The following XRCC5 variants were observed in gnomAD, a reference collection of about 807,000 sequenced individuals.
XRCC5 encodes DNA repair protein Ku80.
A neutral mutation model predicts 95.7 loss-of-function variants in XRCC5; 12 were observed. The observed-to-expected ratio is 0.13, with a 90% CI of 0.08 to 0.20. XRCC5 has a LOEUF of 0.20. Ranked by LOEUF, XRCC5 falls within the 10% of genes least tolerant of loss-of-function variation. The pLI is 1.00. For missense variants in XRCC5, 595 were observed against 873.9 expected (o/e 0.68, Z 4.02); for synonymous variants, 281 against 290.3 (o/e 0.97, Z 0.33).
At chr2:216,176,464 G>A (rs67023874) in intron 16 of XRCC5, among the ~76,000 whole-genome samples, 21,599 of 152,110 alleles carry the variant, frequency 0.14, 1,633 homozygotes, top group African/African-American at 0.19. Context: ...ATTTCTTATT[G>A]AATCAGTTTT....
At chr2:216,111,249 C>T (rs1574447389) in intron 1 of XRCC5, among the ~76,000 whole-genome samples, 1 of 152,104 alleles carries the variant, frequency 6.6e-6, no homozygotes, top group African/African-American at 2.4e-5. Flanking sequence ...AGGCCAGACA[C>T]GGTGGCCTAT....
At chr2:216,121,047 T>G (rs1696798358) in intron 5 of XRCC5, among the ~76,000 whole-genome samples, 1 of 152,210 alleles carries the variant, frequency 6.6e-6, no homozygotes, top group African/African-American at 2.4e-5. Flanking sequence ...AGTTTTTAGT[T>G]TCTTCTACTG....
chr2:216,163,667 TG>T (rs1230328806), intron 16 of XRCC5, among the ~76,000 whole-genome samples: 6 of 152,266 alleles, frequency 3.9e-5, no homozygotes, highest in African/African-American at 1.4e-4. Context: ...TCTTACTACT[TG>T]CAGTCTAGGA....
At chr2:216,119,219 T>C in intron 5 of XRCC5, 54 bp downstream of exon 5, 1 of 1,599,630 alleles carries the variant, frequency 6.3e-7, no homozygotes. Context: ...CCTAATATAG[T>C]GAATGGGCCC....
chr2:216,179,614 A>G (rs1246888536), intron 16 of XRCC5, among the ~76,000 whole-genome samples: 1 of 152,090 alleles, frequency 6.6e-6, no homozygotes, highest in Non-Finnish European at 1.5e-5. Context: ...CTGGGAGGAG[A>G]GCTTTGCAGA....
intron 19 of XRCC5, among the ~76,000 whole-genome samples, chr2:216,196,403 G>A (rs6435936): frequency 0.72 from 110,045 of 152,002 alleles, 41,343 homozygotes; most frequent in East Asian, 0.95. Flanking sequence ...TTTTGTTTCT[G>A]TTTGTCACTT....
intron 20 of XRCC5, 26 bp from the exon 21 acceptor site, chr2:216,205,162 T>G: frequency 1.2e-6 from 2 of 1,613,844 alleles, no homozygotes; most frequent in Non-Finnish European, 1.7e-6. Flanking sequence ...CTGATTCCTT[T>G]CTAAGTGTGT....
At chr2:216,168,589 T>G (rs1426774102) in intron 16 of XRCC5, among the ~76,000 whole-genome samples, 1 of 152,188 alleles carries the variant, frequency 6.6e-6, no homozygotes, top group Non-Finnish European at 1.5e-5. Context: ...ATATCCCTAA[T>G]TACAGGATAT....
At chr2:216,117,950 C>G (rs1696731738) in intron 4 of XRCC5, among the ~76,000 whole-genome samples, 156 bp downstream of exon 4, 1 of 152,154 alleles carries the variant, frequency 6.6e-6, no homozygotes, top group African/African-American at 2.4e-5. Context: ...AGTCCAACCT[C>G]TCTGTTTTTT....
At chr2:216,172,415 A>G (rs1286058707) in intron 16 of XRCC5, among the ~76,000 whole-genome samples, 1 of 151,438 alleles carries the variant, frequency 6.6e-6, no homozygotes, top group African/African-American at 2.4e-5. Flanking sequence ...AAATGTTTTA[A>G]CTACTCTATG....
intron 2 of XRCC5, among the ~76,000 whole-genome samples, chr2:216,114,897 C>T (rs909858258): frequency 2.0e-5 from 3 of 152,148 alleles, no homozygotes; most frequent in African/African-American, 4.8e-5. Flanking sequence ...CATGCGGCCC[C>T]CTCTTAAGCA....
chr2:216,110,348 A>AAGAT (rs1696564366), intron 1 of XRCC5: 2 of 152,248 alleles, frequency 1.3e-5, no homozygotes, highest in South Asian at 4.1e-4. Context: ...ACAGATAAAC[A>AAGAT]AGATACGAGT....
At chr2:216,198,083 T>A (rs1689763581) in intron 19 of XRCC5, among the ~76,000 whole-genome samples, 2 of 152,254 alleles carry the variant, frequency 1.3e-5, no homozygotes, top group Admixed American at 1.3e-4. Context: ...CCATCCCTGT[T>A]ACCACTGGGA....
chr2:216,170,090 C>T (rs1471170610), intron 16 of XRCC5, among the ~76,000 whole-genome samples: 3 of 138,668 alleles, frequency 2.2e-5, no homozygotes, highest in Non-Finnish European at 3.1e-5. Flanking sequence ...GACCCCTTGT[C>T]GTGTCATGAC....
intron 16 of XRCC5, among the ~76,000 whole-genome samples, chr2:216,171,088 C>T (rs1689156687): frequency 6.6e-6 from 1 of 152,170 alleles, no homozygotes; most frequent in Non-Finnish European, 1.5e-5. Context: ...ACGCTCTTAA[C>T]CAATTAAGAT....
In XRCC5 at chr2:216,138,033, T is replaced by C. The variant is rs370810290; in HGVS notation, c.1252-56T>C. The C allele has an allele frequency of 6.9e-6, 10 of 1,449,654 alleles. No homozygotes were observed. In the African/African-American group the frequency reaches 1.0e-4, roughly 14 times the overall value. 89.8% of individuals were successfully genotyped at this position (1,449,654 alleles called of 1,614,324 possible). A position where few individuals can be genotyped will look rare whatever the true frequency, so the allele number is the denominator to read the frequency against. Reference sequence around the variant, plus strand: ...CTTTCACAGAATTTGGGATCAGTTTTATATTTTTTCATTAATTTCATCGTT... The same window carrying C: ...CTTTCACAGAATTTGGGATCAGTTTCATATTTTTTCATTAATTTCATCGTT... On this transcript the variant is annotated intron_variant, in intron 11 of 20. Coordinates refer to ENST00000392132, the MANE Select transcript of XRCC5 (RefSeq NM_021141.4).
intron 8 of XRCC5, among the ~76,000 whole-genome samples, chr2:216,129,824 C>T (rs1013400170): frequency 4.6e-5 from 7 of 152,126 alleles, no homozygotes; most frequent in Admixed American, 3.3e-4. Context: ...CAGGCGCGTG[C>T]CACCATGCCT....
intron 18 of XRCC5, among the ~76,000 whole-genome samples, chr2:216,194,706 C>A (rs1380500104): frequency 6.6e-6 from 1 of 152,128 alleles, no homozygotes; most frequent in East Asian, 1.9e-4. Flanking sequence ...CACAGTGGCG[C>A]ATGCTTGTAA....
chr2:216,145,357 T>C lies in XRCC5; in HGVS notation c.1477-2726T>C, dbSNP rs7574946. 1.9e-3 allele frequency among the ~76,000 whole-genome samples: 294 copies of C among 152,320 alleles called. 2 individuals carry two copies. Among genetic ancestry groups the C allele is most frequent in the African/African-American group, 7.0e-3 (292 of 41,570 alleles). ...TAGTTTTGGAAAGAAATGCTGAAAATATATCTTGTCAAGTATACAGTTAAA... is the reference window on the plus strand; with the variant it reads ...TAGTTTTGGAAAGAAATGCTGAAAACATATCTTGTCAAGTATACAGTTAAA... On this transcript the variant is annotated intron_variant, in intron 13 of 20. Transcript: ENST00000392132.
Sources: allele counts gnomAD v4.1 joint callset (sites outside exome capture counted in the v4.1 genomes callset), GRCh38; gene constraint gnomAD v4.1.1; transcripts MANE v1.5; gene names NCBI Gene and HGNC (gene_info 2026-07-23, HGNC 2026-07-21).